The following ASCC3 variants were observed in gnomAD, a reference collection of about 807,000 sequenced individuals.
ASCC3 encodes ASC-1 complex subunit P200.
In ASCC3, 158 loss-of-function variants were observed where a neutral mutation model predicts 256.3. The ratio of observed to expected loss-of-function variants is 0.62; its 90% CI spans 0.54 to 0.70. The LOEUF (loss-of-function observed/expected upper bound fraction) is 0.70. ASCC3 is among the 30% of genes least tolerant of loss of function. The pLI, the probability that ASCC3 is intolerant of heterozygous loss-of-function variation, is 0.00. For missense variants in ASCC3, 2,259 were observed against 2,626.0 expected (o/e 0.86, Z 3.05); for synonymous variants, 948 against 883.4 (o/e 1.07, Z -1.30).
In ASCC3 at chr6:100,806,429, A is replaced by C. The variant is rs151318319; in HGVS notation, c.802-549T>G. ...TATGAAAATTTCCGAAGCATATCCC[A>C]CTCTCCTATGCAGAGTAGTTACCAA... On this transcript the variant is annotated intron_variant, in intron 4 of 41. Transcript: ENST00000369162. Among the ~76,000 whole-genome samples, 60 of 151,986 alleles carry C rather than the reference A, an allele frequency of 3.9e-4. 1 individual carries two copies. Among genetic ancestry groups the C allele is most frequent in the African/African-American group, 1.4e-3 (59 of 41,502 alleles).
At chr6:100,647,565 G>T in intron 20 of ASCC3, 114 bp from the exon 21 acceptor site, 1 of 845,164 alleles carries the variant, frequency 1.2e-6, no homozygotes, top group Non-Finnish European at 1.9e-6. Context: ...CTGCATCCTT[G>T]AATTGTGGGG....
chr6:100,753,357 T>TA lies in ASCC3; in HGVS notation c.1737+13207dup, dbSNP rs534200794. ...ACAATAGAATGGCTATCAGCTATCC[T>TA]AAAATATCACCATTAAAATTAAAGT... is the stretch of plus-strand genomic sequence containing the variant. On this transcript the variant is annotated intron_variant, in intron 10 of 41. Transcript: ENST00000369162. Among the ~76,000 whole-genome samples the TA allele has an allele frequency of 5.2e-3, 781 of 151,422 alleles. 5 individuals carry two copies. Among genetic ancestry groups the TA allele is most frequent in the Non-Finnish European group, 8.2e-3 (556 of 67,806 alleles).
At chr6:100,674,714 C>G (rs958437292) in intron 14 of ASCC3, among the ~76,000 whole-genome samples, 1 of 149,580 alleles carries the variant, frequency 6.7e-6, no homozygotes, top group Non-Finnish European at 1.5e-5. Context: ...CTCACTGCAA[C>G]CTCCGCCTCC....
intron 4 of ASCC3, among the ~76,000 whole-genome samples, chr6:100,845,445 T>G (rs1013490791): frequency 2.4e-4 from 36 of 152,182 alleles, no homozygotes; most frequent in African/African-American, 8.2e-4. Flanking sequence ...TGCTTTAGTA[T>G]GCTATTTTTA....
chr6:100,528,368 A>G (rs1268772085), intron 37 of ASCC3, among the ~76,000 whole-genome samples: 1 of 152,224 alleles, frequency 6.6e-6, no homozygotes, highest in Non-Finnish European at 1.5e-5. Flanking sequence ...TTGCAAATAT[A>G]GGAAGGTTGT....
rs911517799 is a variant in ASCC3, at chr6:100,508,588, A to C, written c.*798T>G. On this transcript the variant is annotated 3_prime_UTR_variant, in exon 42 of 42. Coordinates refer to ENST00000369162, the MANE Select transcript of ASCC3 (RefSeq NM_006828.4). ...ATCTGTAAGTGCTACAACATGAATT[A>C]GATTATACTTCTCTACTTCTGTAAA... 1.3e-5 allele frequency: 2 copies of C among 152,224 alleles called. No individual in the cohort carries two copies. Among genetic ancestry groups the C allele is most frequent in the African/African-American group, 4.8e-5 (2 of 41,474 alleles). The allele number at this position is 152,224 out of a possible 1,614,324, so 9.4% of individuals were successfully genotyped here.
At chr6:100,714,608 T>C (rs2115019572) in intron 13 of ASCC3, among the ~76,000 whole-genome samples, 1 of 152,264 alleles carries the variant, frequency 6.6e-6, no homozygotes, top group East Asian at 1.9e-4. Flanking sequence ...TCTTACCAGC[T>C]TCATACATTT....
chr6:100,807,152 A>T (rs1343898687), intron 4 of ASCC3, among the ~76,000 whole-genome samples: 2 of 151,994 alleles, frequency 1.3e-5, no homozygotes, highest in Non-Finnish European at 2.9e-5. Context: ...TGTAATAAAA[A>T]AGATACCAAA....
intron 36 of ASCC3, 110 bp from the exon 37 acceptor site, chr6:100,540,497 T>C (rs983547527): frequency 8.7e-6 from 8 of 914,524 alleles, no homozygotes; most frequent in Non-Finnish European, 1.2e-5. Context: ...ACAATAACCA[T>C]ATCCCTTAGA....
chr6:100,689,496 G>A (rs958904842), intron 13 of ASCC3, among the ~76,000 whole-genome samples: 1 of 152,094 alleles, frequency 6.6e-6, no homozygotes, highest in African/African-American at 2.4e-5. Context: ...CTGCCTGAGG[G>A]CAGAGCTTAC....
At chr6:100,768,538 C>A (rs1253862519) in intron 8 of ASCC3, among the ~76,000 whole-genome samples, 1 of 152,044 alleles carries the variant, frequency 6.6e-6, no homozygotes, top group Non-Finnish European at 1.5e-5. Context: ...ATATAATAGT[C>A]CTAAACATTT....
chr6:100,539,352 C>G (rs1050561748), intron 37 of ASCC3, among the ~76,000 whole-genome samples: 2 of 152,088 alleles, frequency 1.3e-5, no homozygotes, highest in Non-Finnish European at 2.9e-5. Flanking sequence ...AAACTGTTTA[C>G]CTCTCTAGGC....
intron 14 of ASCC3, 79 bp downstream of exon 14, chr6:100,679,539 C>A: frequency 6.3e-7 from 1 of 1,589,800 alleles, no homozygotes; most frequent in Non-Finnish European, 8.6e-7. Flanking sequence ...GAAATTGAGA[C>A]CGTGGATCTT....
Position 100,646,586 on chromosome 6 carries a change from AC to A in ASCC3, c.3633+28del, listed in dbSNP as rs1335219368. The A allele has an allele frequency of 3.1e-6, 5 of 1,613,344 alleles. No homozygotes were observed. The African/African-American group carries it at 5.3e-5, about 17-fold the overall frequency. ...TCTGTAGTACAGATATTTTTGTTTA[AC>A]ACAGATATAGCCGTTTTCCACTTCT... On this transcript the variant is annotated intron_variant, in intron 22 of 41. Transcript: ENST00000369162.
At chr6:100,638,357 T>G (rs548950961) in intron 25 of ASCC3, among the ~76,000 whole-genome samples, 1 of 152,340 alleles carries the variant, frequency 6.6e-6, no homozygotes, top group East Asian at 1.9e-4. Context: ...AGAATTTTTA[T>G]ATGCACTAGG....
intron 37 of ASCC3, among the ~76,000 whole-genome samples, chr6:100,537,023 G>A (rs1307680927): frequency 6.6e-6 from 1 of 152,070 alleles, no homozygotes; most frequent in African/African-American, 2.4e-5. Flanking sequence ...TAATTGTTCT[G>A]GGCAAATATC....
At chr6:100,821,407 ATG>A (rs1419695517) in intron 4 of ASCC3, among the ~76,000 whole-genome samples, 2 of 59,074 alleles carry the variant, frequency 3.4e-5, no homozygotes, top group African/African-American at 7.6e-5. Flanking sequence ...AATCAAAAAC[ATG>A]TGCACAAGTT....
intron 4 of ASCC3, among the ~76,000 whole-genome samples, chr6:100,824,691 AAATT>A (rs142793359): frequency 0.033 from 5,061 of 152,274 alleles, 126 homozygotes; most frequent in African/African-American, 0.073. Context: ...TAAATAAAAT[AAATT>A]AAGAGTATTA....
chr6:100,570,786 G>C (rs1287372027), intron 36 of ASCC3, among the ~76,000 whole-genome samples: 6 of 152,004 alleles, frequency 3.9e-5, no homozygotes, highest in Non-Finnish European at 7.4e-5. Flanking sequence ...CTCAATTAAT[G>C]GTATTCTCTC....
Sources: allele counts gnomAD v4.1 joint callset (sites outside exome capture counted in the v4.1 genomes callset), GRCh38; gene constraint gnomAD v4.1.1; transcripts MANE v1.5; gene names NCBI Gene and HGNC (gene_info 2026-07-23, HGNC 2026-07-21).